MOAP1: variants seen among roughly 807,000 people sequenced by gnomAD.
The protein encoded by MOAP1 is modulator of apoptosis 1.
For synonymous variants in MOAP1, 150 were observed against 161.0 expected, an observed-to-expected ratio of 0.93 and a Z score of 0.52; for missense variants, 385 against 418.6, an observed-to-expected ratio of 0.92 and a Z score of 0.70.
Position 93,183,870 on chromosome 14 carries a change from C to A in MOAP1, c.373G>T (p.Gly125Ter). 1 of 1,614,042 alleles carries A rather than the reference C, an allele frequency of 6.2e-7. No homozygotes were observed. The highest frequency in any genetic ancestry group is 8.5e-7 in the Non-Finnish European group (1 of 1,180,024). ...MTVGELSRAL[G>*]HENGSLDPEQ... ...GGGTCTAAGGAGCCATTTTCATGTC[C>A]AAGAGCTCTGCTCAACTCACCCACT... Residue 125 changes from glycine to a stop codon, truncating the protein, a stop_gained, in exon 3 of 3, where the codon GGA (glycine) becomes TGA (stop). Transcript: ENST00000298894. LOFTEE classifies it low-confidence loss of function (END_TRUNC).
chr14:93,183,235 C>T lies in MOAP1; in HGVS notation c.1008G>A (p.Glu336=), dbSNP rs1893965838. 1 of 1,612,628 alleles carries T rather than the reference C, an allele frequency of 6.2e-7. No homozygotes were observed. The change falls in exon 3 of 3, where the codon GAG becomes GAA. Residue 336 remains glutamate, a synonymous_variant. Transcript: ENST00000298894. ...TTGCCTGGAGAAGGGCCTCCTCCTC[C>T]TCAGCTGCCTCATAATCCTTTATTA... ...LVLIKDYEAA[E]EEEALLQAIL...
chr14:93,182,921 C>T lies in MOAP1; in HGVS notation c.*266G>A. 2.2e-6 allele frequency: 1 copy of T among 446,230 alleles called. No individual in the cohort carries two copies. The highest frequency in any genetic ancestry group is 3.9e-6 in the Non-Finnish European group (1 of 258,190). 27.6% of individuals were successfully genotyped at this position (446,230 alleles called of 1,614,324 possible). On this transcript the variant is annotated 3_prime_UTR_variant, in exon 3 of 3. Coordinates refer to ENST00000298894, the MANE Select transcript of MOAP1 (RefSeq NM_022151.5). ...CTCCAGCCTGGGTGACAGAGCGAGA[C>T]TCTGTCTCAACAACAACAACAAAGA...
chr14:93,183,024 A>C lies in MOAP1; in HGVS notation c.*163T>G. The C allele has an allele frequency of 1.1e-6, 1 of 933,572 alleles. No individual in the cohort carries two copies. Among genetic ancestry groups the C allele is most frequent in the Non-Finnish European group, 1.5e-6 (1 of 652,892 alleles). 57.8% of individuals were successfully genotyped at this position (933,572 alleles called of 1,614,324 possible). ...TCCTAGTCAATTACACCTTTAGGAG[A>C]CTTTAAATAGGCACAGAAACGACAA... On this transcript the variant is annotated 3_prime_UTR_variant, in exon 3 of 3. Coordinates refer to ENST00000298894, the MANE Select transcript of MOAP1 (RefSeq NM_022151.5).
Position 93,183,334 on chromosome 14 carries a change from G to A in MOAP1, c.909C>T (p.Val303=). The stretch of plus-strand genomic sequence containing the variant: ...TAAGCTCTCTGCGAATTGTTTTGTG[G>A]ACTGCCCCAGCAATGACTTGGTCTA... ...ARLDQVIAGA[V]HKTIRRELNL... The change falls in exon 3 of 3, where the codon GTC becomes GTT. Residue 303 remains valine (V), a synonymous_variant. Transcript: ENST00000298894. 6.2e-7 allele frequency: 1 copy of A among 1,614,190 alleles called. No individual in the cohort carries two copies. The highest frequency in any genetic ancestry group is 8.5e-7 in the Non-Finnish European group (1 of 1,180,030).
chr14:93,184,068 C>G lies in MOAP1; in HGVS notation c.175G>C (p.Asp59His), dbSNP rs747418555. 1 of 1,613,914 alleles carries G rather than the reference C, an allele frequency of 6.2e-7. No individual in the cohort carries two copies. Among genetic ancestry groups the G allele is most frequent in the Admixed American group, 1.7e-5 (1 of 59,984 alleles). ...ACTAAGGCTACTTTCCTGTTCTCAT[C>G]CCTCCTGAACATCCTTCCAAGCAGT... ...YRLLGRMFRR[D>H]ENRKVALVGL... Residue 59 changes from aspartate (D) to histidine (H), a missense_variant, in exon 3 of 3, where the codon GAT becomes CAT. Coordinates refer to ENST00000298894, the MANE Select transcript of MOAP1 (RefSeq NM_022151.5). The surrounding 1 kb of genome is among the most constrained non-coding windows in gnomAD (Gnocchi z 4.2).
Position 93,183,092 on chromosome 14 carries a change from G to C in MOAP1, c.*95C>G. On this transcript the variant is annotated 3_prime_UTR_variant, in exon 3 of 3. Transcript: ENST00000298894. ...TTGCACAAAAATGAGTTACTTGGCA[G>C]CACAAGGTAGGGATTGTATGTGTCA... 6.8e-7 allele frequency: 1 copy of C among 1,471,576 alleles called. No homozygotes were observed. 91.2% of individuals were successfully genotyped at this position (1,471,576 alleles called of 1,614,324 possible). A position where few individuals can be genotyped will look rare whatever the true frequency, so the allele number is the denominator to read the frequency against.
Position 93,183,911 on chromosome 14 carries a change from G to A in MOAP1, c.332C>T (p.Ala111Val). 1.9e-6 allele frequency: 3 copies of A among 1,613,946 alleles called. No individual in the cohort carries two copies. The highest frequency in any genetic ancestry group is 2.5e-6 in the Non-Finnish European group (3 of 1,180,014). ...CTCACCCACTGTCATGCCCTCTCCCGCTAAAAATTCATTTAATCTGCTTAA... is the reference window on the plus strand; with the variant it reads ...CTCACCCACTGTCATGCCCTCTCCCACTAAAAATTCATTTAATCTGCTTAA... Reference protein sequence around the residue: ...TFLSRLNEFLAGEGMTVGELS... With the variant: ...TFLSRLNEFLVGEGMTVGELS... Residue 111 changes from alanine to valine, a missense_variant, in exon 3 of 3, where the codon GCG becomes GTG. Ala to Val is a moderately conservative substitution (Grantham distance 64). Coordinates refer to ENST00000298894, the MANE Select transcript of MOAP1 (RefSeq NM_022151.5).
In MOAP1 at chr14:93,183,853, G is replaced by A. The variant is rs1566812594; in HGVS notation, c.390C>T (p.Ser130=). 17 of 1,614,024 alleles carry A rather than the reference G, an allele frequency of 1.1e-5. No individual in the cohort carries two copies. Among genetic ancestry groups the A allele is most frequent in the Non-Finnish European group, 1.4e-5 (17 of 1,180,012 alleles). The change falls in exon 3 of 3, where the codon TCC becomes TCT. Residue 130 remains serine, a synonymous_variant. Coordinates refer to ENST00000298894, the MANE Select transcript of MOAP1 (RefSeq NM_022151.5). ...LSRALGHENG[S]LDPEQGMIPE... ...GGATCATGCCCTGCTCTGGGTCTAA[G>A]GAGCCATTTTCATGTCCAAGAGCTC... is the stretch of plus-strand genomic sequence containing the variant.
In MOAP1 at chr14:93,183,576, T is replaced by C; in HGVS notation, c.667A>G (p.Ile223Val). The C allele has an allele frequency of 1.2e-6, 2 of 1,614,216 alleles. No individual in the cohort carries two copies. The highest frequency in any genetic ancestry group is 1.7e-6 in the Non-Finnish European group (2 of 1,180,040). ...TCGACAGTAATTAAAGGATTGTTTA[T>C]CTTGAGGACACGAATAACATCAAGT... ...PALDVIRVLK[I>V]NNPLITVDEC... The change falls in exon 3 of 3, where the codon ATA (isoleucine) becomes GTA (valine). Residue 223 changes from isoleucine to valine, a missense_variant. Physicochemically the swap from Ile to Val is conservative, Grantham distance 29. Coordinates refer to ENST00000298894, the MANE Select transcript of MOAP1 (RefSeq NM_022151.5).
Position 93,183,061 on chromosome 14 carries a change from T to G in MOAP1, c.*126A>C, listed in dbSNP as rs1893960513. 4.4e-6 allele frequency: 6 copies of G among 1,371,754 alleles called. No individual in the cohort carries two copies. The highest frequency in any genetic ancestry group is 1.5e-5 in the African/African-American group (1 of 68,244). The allele number at this position is 1,371,754 out of a possible 1,614,324, so 85.0% of individuals were successfully genotyped here. A position where few individuals can be genotyped will look rare whatever the true frequency, so the allele number is the denominator to read the frequency against. ...CACAGAAACGACAAAGGGCTTATAC[T>G]GAGAATTGCACAAAAATGAGTTACT... On this transcript the variant is annotated 3_prime_UTR_variant, in exon 3 of 3. Transcript: ENST00000298894.
rs1241423480 is a variant in MOAP1 at position 93,182,489 on chromosome 14, T to C, written c.*698A>G. The C allele has an allele frequency of 6.6e-6, 1 of 152,508 alleles. No homozygotes were observed. The allele number at this position is 152,508 out of a possible 1,614,324, so 9.4% of individuals were successfully genotyped here. A position where few individuals can be genotyped will look rare whatever the true frequency, so the allele number is the denominator to read the frequency against. On this transcript the variant is annotated 3_prime_UTR_variant, in exon 3 of 3. Coordinates refer to ENST00000298894, the MANE Select transcript of MOAP1 (RefSeq NM_022151.5). The stretch of plus-strand genomic sequence containing the variant: ...CCTAAAAATTGTCAATGATCCAACA[T>C]GGTCACATGTGACATGCTACACTTG...
rs1166661674 is a variant in MOAP1, at chr14:93,182,488, A to G, written c.*699T>C. The stretch of plus-strand genomic sequence containing the variant: ...ACCTAAAAATTGTCAATGATCCAAC[A>G]TGGTCACATGTGACATGCTACACTT... On this transcript the variant is annotated 3_prime_UTR_variant, in exon 3 of 3. Transcript: ENST00000298894. 1 of 152,496 alleles carries G rather than the reference A, an allele frequency of 6.6e-6. No homozygotes were observed. Among genetic ancestry groups the G allele is most frequent in the Non-Finnish European group, 1.5e-5 (1 of 68,078 alleles). 9.4% of individuals were successfully genotyped at this position (152,496 alleles called of 1,614,324 possible). A position where few individuals can be genotyped will look rare whatever the true frequency, so the allele number is the denominator to read the frequency against.
Sources: allele counts gnomAD v4.1 joint callset, GRCh38; gene constraint gnomAD v4.1.1; non-coding constraint Gnocchi (gnomAD v3.1); transcripts MANE v1.5; gene names NCBI Gene and HGNC (gene_info 2026-07-23, HGNC 2026-07-21).